The following MECOM variants were observed in gnomAD, a reference collection of about 807,000 sequenced individuals.
The protein encoded by MECOM is MDS1 and EVI1 complex locus.
MECOM carries 13 observed loss-of-function variants against 116.3 expected under a neutral mutation model. The ratio of observed to expected loss-of-function variants is 0.11; its 90% CI spans 0.07 to 0.18. MECOM has a LOEUF of 0.18. MECOM is among the 10% of genes least tolerant of loss of function. The pLI, the probability that MECOM is intolerant of heterozygous loss-of-function variation, is 1.00. For missense variants in MECOM, 1,299 were observed against 1,509.0 expected (o/e 0.86, Z 2.31); for synonymous variants, 528 against 535.2 (o/e 0.99, Z 0.19).
At chr3:169,440,214 G>GTA (rs1450232413) in intron 1 of MECOM, among the ~76,000 whole-genome samples, 2 of 121,874 alleles carry the variant, frequency 1.6e-5, no homozygotes, top group African/African-American at 6.2e-5. Context: ...TTTTATATGT[G>GTA]TATATATATA....
chr3:169,372,091 T>C (rs1730234983), intron 2 of MECOM, among the ~76,000 whole-genome samples: 1 of 152,098 alleles, frequency 6.6e-6, no homozygotes, highest in African/African-American at 2.4e-5. Flanking sequence ...TTTCCACTAT[T>C]CCTTTCCACC....
At chr3:169,526,989 T>C (rs1055570634) in intron 1 of MECOM, among the ~76,000 whole-genome samples, 25 of 152,222 alleles carry the variant, frequency 1.6e-4, no homozygotes, top group Admixed American at 2.6e-4. Flanking sequence ...TCTGTATTTA[T>C]TAAAAAGAGA....
chr3:169,136,896 A>G (rs1736525778), intron 3 of MECOM, among the ~76,000 whole-genome samples: 2 of 152,150 alleles, frequency 1.3e-5, no homozygotes, highest in Admixed American at 1.3e-4. Context: ...TATGCTTAAT[A>G]GACTGCATTT....
rs1731606143 is a variant in MECOM, at chr3:169,378,464, AGC to A, written c.375+2721_375+2722del. Reference sequence around the variant, plus strand: ...AAGAAAGAAAGAAGGAAAGCAAGCAAGCAAGCAAGCAAGAAAGAGAGAGAGAA... The same window carrying A: ...AAGAAAGAAAGAAGGAAAGCAAGCAAAAGCAAGCAAGAAAGAGAGAGAGAA... On this transcript the variant is annotated intron_variant, in intron 2 of 16. Transcript: ENST00000651503. Among the ~76,000 whole-genome samples the A allele has an allele frequency of 3.2e-5, 2 of 62,996 alleles. 1 individual carries two copies. Among genetic ancestry groups the A allele is most frequent in the South Asian group, 8.5e-4 (2 of 2,358 alleles). The allele number at this position is 62,996 out of a possible 152,430, so 41.3% of individuals were successfully genotyped here.
intron 1 of MECOM, among the ~76,000 whole-genome samples, chr3:169,534,507 T>A (rs1406608294): frequency 6.6e-6 from 1 of 152,086 alleles, no homozygotes; most frequent in Non-Finnish European, 1.5e-5. Flanking sequence ...AATTATGTGG[T>A]CATACTGTCC....
chr3:169,543,742 T>G (rs930084598), intron 1 of MECOM, among the ~76,000 whole-genome samples: 2 of 152,216 alleles, frequency 1.3e-5, no homozygotes, highest in Non-Finnish European at 2.9e-5. Flanking sequence ...ATCTCCCTTA[T>G]ATAAGATAAT....
chr3:169,243,088 G>A (rs557054760), intron 2 of MECOM, among the ~76,000 whole-genome samples: 8 of 152,104 alleles, frequency 5.3e-5, no homozygotes, highest in South Asian at 2.1e-4. Context: ...ATAAATCTGC[G>A]TCTATAGCAG....
intron 1 of MECOM, among the ~76,000 whole-genome samples, chr3:169,556,620 A>G (rs1762060520): frequency 6.6e-6 from 1 of 152,150 alleles, no homozygotes; most frequent in Admixed American, 6.5e-5. Context: ...TCTAACAAGG[A>G]AAATAAAGAG....
chr3:169,443,580 T>G (rs1482266593), intron 1 of MECOM, among the ~76,000 whole-genome samples: 2 of 152,202 alleles, frequency 1.3e-5, no homozygotes, highest in Non-Finnish European at 2.9e-5. Context: ...CTGTCTTCTG[T>G]TCCCATCATT....
At chr3:169,439,795 A>G (rs942847162) in intron 1 of MECOM, among the ~76,000 whole-genome samples, 5 of 152,344 alleles carry the variant, frequency 3.3e-5, no homozygotes, top group African/African-American at 1.2e-4. Context: ...TGCAAACCCA[A>G]AAGACACATC....
At chr3:169,284,327 C>A (rs1315598367) in intron 2 of MECOM, among the ~76,000 whole-genome samples, 4 of 152,162 alleles carry the variant, frequency 2.6e-5, no homozygotes, top group African/African-American at 9.7e-5. Context: ...TCTTGGGAAT[C>A]CTGAGCGTTG....
At chr3:169,512,199 T>A (rs1756054817) in intron 1 of MECOM, among the ~76,000 whole-genome samples, 1 of 152,168 alleles carries the variant, frequency 6.6e-6, no homozygotes, top group African/African-American at 2.4e-5. Flanking sequence ...TTTTGAAATT[T>A]ATCTCCTTCA....
chr3:169,460,836 A>T (rs1747319927), intron 1 of MECOM, among the ~76,000 whole-genome samples: 1 of 152,162 alleles, frequency 6.6e-6, no homozygotes. Context: ...CCACACAAGG[A>T]TTAAATAAGA....
chr3:169,221,154 G>T (rs1299100206), intron 2 of MECOM, among the ~76,000 whole-genome samples: 2 of 152,078 alleles, frequency 1.3e-5, no homozygotes, highest in African/African-American at 2.4e-5. Flanking sequence ...GAACTATCTT[G>T]CAGTGTTGCA....
At chr3:169,564,681 T>C (rs1042136543) in intron 1 of MECOM, among the ~76,000 whole-genome samples, 1 of 152,236 alleles carries the variant, frequency 6.6e-6, no homozygotes, top group East Asian at 1.9e-4. Context: ...GTTTGAAATA[T>C]CAAATTTAAT....
chr3:169,374,522 G>T (rs1730686792), intron 2 of MECOM, among the ~76,000 whole-genome samples: 1 of 151,908 alleles, frequency 6.6e-6, no homozygotes, highest in Non-Finnish European at 1.5e-5. Flanking sequence ...GCTTTGTTAG[G>T]GAAGCTATGT....
chr3:169,591,725 A>C (rs1288241721), intron 1 of MECOM, among the ~76,000 whole-genome samples: 1 of 152,220 alleles, frequency 6.6e-6, no homozygotes, highest in Non-Finnish European at 1.5e-5. Flanking sequence ...AACAAAATGA[A>C]AGAGAAACCT....
intron 1 of MECOM, among the ~76,000 whole-genome samples, chr3:169,389,345 T>C (rs1272808404): frequency 2.0e-5 from 3 of 152,238 alleles, no homozygotes; most frequent in Non-Finnish European, 4.4e-5. Context: ...GACATTAAAG[T>C]TCTGTGAGTA....
In MECOM at chr3:169,115,697, T is replaced by C. The variant is rs765675789; in HGVS notation, c.2175A>G (p.Gln725=). ...GCAGTTTCTTTACTTCACCTGGTGA[T>C]TGGGGTTCCATTTTCAAAGGTAACG... ...LRSLPLKMEP[Q]SPGEVKKLQK... is the part of the protein sequence containing the mutation. The change falls in exon 8 of 17, where the codon CAA becomes CAG. Residue 725 remains glutamine, a synonymous_variant. Coordinates refer to ENST00000651503, the MANE Select transcript of MECOM (RefSeq NM_004991.4). 12 of 1,613,994 alleles carry C rather than the reference T, an allele frequency of 7.4e-6. No individual in the cohort carries two copies. The highest frequency in any genetic ancestry group is 2.7e-5 in the African/African-American group (2 of 74,886).
Sources: allele counts gnomAD v4.1 joint callset (sites outside exome capture counted in the v4.1 genomes callset), GRCh38; gene constraint gnomAD v4.1.1; transcripts MANE v1.5; gene names NCBI Gene and HGNC (gene_info 2026-07-23, HGNC 2026-07-21).